Variants in AHCYL2 observed in about 807,000 individuals in gnomAD.
AHCYL2 encodes the protein S-adenosylhomocysteine hydrolase-like protein 2.
In AHCYL2, 28 loss-of-function variants were observed where a neutral mutation model predicts 81.4. The ratio of observed to expected loss-of-function variants is 0.34; its 90% confidence interval spans 0.25 to 0.47. The LOEUF (loss-of-function observed/expected upper bound fraction) is 0.47. Among genes scored for constraint, AHCYL2 ranks in the 20% least tolerant of loss-of-function variants. The pLI is 1.00. For missense variants in AHCYL2, 551 were observed against 785.1 expected (o/e 0.70, Z 3.56); for synonymous variants, 272 against 290.2 (o/e 0.94, Z 0.64).
chr7:129,349,739 T>C (rs1165535122), intron 1 of AHCYL2, among the ~76,000 whole-genome samples: 1 of 151,568 alleles, frequency 6.6e-6, no homozygotes, highest in Non-Finnish European at 1.5e-5. Flanking sequence ...TAAAGCTACC[T>C]TACTAAAGAG....
intron 1 of AHCYL2, among the ~76,000 whole-genome samples, chr7:129,358,390 T>TCA (rs200562779): frequency 6.6e-5 from 10 of 150,668 alleles, no homozygotes; most frequent in Admixed American, 2.7e-4. Context: ...AGACTCCGTC[T>TCA]CACACACACA....
At chr7:129,228,815 C>T (rs6467233) in intron 1 of AHCYL2, among the ~76,000 whole-genome samples, 38,188 of 152,188 alleles carry the variant, frequency 0.25, 4,908 homozygotes, top group East Asian at 0.42. Flanking sequence ...GCAAACATAT[C>T]CACCTTCCAC....
chr7:129,249,580 C>T (rs563077408), intron 1 of AHCYL2, among the ~76,000 whole-genome samples: 14 of 152,046 alleles, frequency 9.2e-5, no homozygotes, highest in Admixed American at 3.9e-4. Context: ...CGCCCGCCAC[C>T]GCGCCCGGCT....
At position 129,338,412 on chromosome 7, in the gene AHCYL2, C is replaced by T. The variant is rs891067746; in HGVS notation, c.364-41226C>T. ...TCAAGTGATCCTCCTGCCTTGGCCTCCCAAAGAACTAGGATTACAGGAGTG... is the reference window on the plus strand; with the variant it reads ...TCAAGTGATCCTCCTGCCTTGGCCTTCCAAAGAACTAGGATTACAGGAGTG... On this transcript the variant is annotated intron_variant, in intron 1 of 16. Transcript: ENST00000325006. Among the ~76,000 whole-genome samples, 2 of 152,188 alleles carry T rather than the reference C, an allele frequency of 1.3e-5. 1 individual carries two copies. The highest frequency in any genetic ancestry group is 4.1e-4 in the South Asian group (2 of 4,824).
chr7:129,230,503 C>T (rs1794391272), intron 1 of AHCYL2, among the ~76,000 whole-genome samples: 1 of 151,960 alleles, frequency 6.6e-6, no homozygotes, highest in Non-Finnish European at 1.5e-5. Context: ...ATGGAACTAA[C>T]AGAGCCCTAA....
chr7:129,350,059 C>A (rs892361701), intron 1 of AHCYL2, among the ~76,000 whole-genome samples: 1 of 152,186 alleles, frequency 6.6e-6, no homozygotes. Context: ...ATACTGTGGT[C>A]ATTTTTGCCT....
intron 1 of AHCYL2, among the ~76,000 whole-genome samples, chr7:129,242,040 G>A (rs1023911144): frequency 3.9e-5 from 6 of 152,018 alleles, no homozygotes; most frequent in African/African-American, 1.4e-4. Flanking sequence ...TATGTCAGCA[G>A]ATAATATATA....
intron 1 of AHCYL2, among the ~76,000 whole-genome samples, chr7:129,333,197 C>T (rs548090094): frequency 3.3e-5 from 5 of 150,718 alleles, no homozygotes; most frequent in East Asian, 2.0e-4. Flanking sequence ...GGGCCAGGCA[C>T]GGTGGCTCAC....
At chr7:129,317,550 A>C (rs755111174) in intron 1 of AHCYL2, among the ~76,000 whole-genome samples, 1 of 152,206 alleles carries the variant, frequency 6.6e-6, no homozygotes, top group African/African-American at 2.4e-5. Flanking sequence ...ATGCAGATGT[A>C]GAGTCCCCAG....
intron 1 of AHCYL2, among the ~76,000 whole-genome samples, chr7:129,341,527 AC>A (rs1431333354): frequency 6.6e-6 from 1 of 152,124 alleles, no homozygotes; most frequent in Non-Finnish European, 1.5e-5. Context: ...CATACTCTGA[AC>A]CCCTTCGTTA....
At chr7:129,363,253 A>C (rs1034407823) in intron 1 of AHCYL2, among the ~76,000 whole-genome samples, 1 of 152,164 alleles carries the variant, frequency 6.6e-6, no homozygotes, top group African/African-American at 2.4e-5. Context: ...TGCCCTGGCT[A>C]TAGGTGTATC....
At chr7:129,323,350 C>G (rs897590533) in intron 1 of AHCYL2, among the ~76,000 whole-genome samples, 3 of 152,020 alleles carry the variant, frequency 2.0e-5, no homozygotes, top group Admixed American at 6.6e-5. Context: ...TATATAATTT[C>G]AAAATATTTG....
chr7:129,342,639 C>G lies in AHCYL2; in HGVS notation c.364-36999C>G, dbSNP rs192203529. Among the ~76,000 whole-genome samples, 7 of 152,202 alleles carry G rather than the reference C, an allele frequency of 4.6e-5. No homozygotes were observed. The East Asian group carries it at 1.4e-3, about 29-fold the overall frequency. ...TAAACGCAGTATTATTCACTTGCCA[C>G]CTATTTTGGGAGTTCATGTATAAGC... On this transcript the variant is annotated intron_variant, in intron 1 of 16. Transcript: ENST00000325006.
intron 1 of AHCYL2, among the ~76,000 whole-genome samples, chr7:129,294,459 T>C (rs1048728468): frequency 1.3e-5 from 2 of 152,196 alleles, no homozygotes; most frequent in African/African-American, 4.8e-5. Context: ...AGGAATTTGA[T>C]GTATTAACTC....
intron 1 of AHCYL2, among the ~76,000 whole-genome samples, chr7:129,316,124 G>A (rs534192480): frequency 6.8e-4 from 104 of 152,296 alleles, no homozygotes; most frequent in Non-Finnish European, 1.3e-3. Context: ...ATTGTGCCAC[G>A]GCATAGGGAG....
In AHCYL2 at chr7:129,429,935, A is replaced by G. The variant is rs902219562; in HGVS notation, c.*2890A>G. On this transcript the variant is annotated 3_prime_UTR_variant, in exon 17 of 17. Transcript: ENST00000325006. ...GGAATCAAAATGCATTGTTGCATTA[A>G]GCTTTTTCAATAAAGGAAAATTACG... is the stretch of plus-strand genomic sequence containing the variant. 2.0e-5 allele frequency: 3 copies of G among 152,440 alleles called. No homozygotes were observed. The East Asian group carries it at 5.8e-4, about 29-fold the overall frequency. The allele number at this position is 152,440 out of a possible 1,614,324, so 9.4% of individuals were successfully genotyped here.
chr7:129,421,932 T>A (rs2150966257), intron 12 of AHCYL2, among the ~76,000 whole-genome samples: 1 of 152,386 alleles, frequency 6.6e-6, no homozygotes, highest in South Asian at 2.1e-4. Context: ...CATTATTGTA[T>A]AACTAAAAGC....
chr7:129,330,980 A>T (rs941494713), intron 1 of AHCYL2, among the ~76,000 whole-genome samples: 46 of 152,340 alleles, frequency 3.0e-4, no homozygotes, highest in African/African-American at 8.7e-4. Context: ...GTAAGAAGCC[A>T]TCAGAGATTG....
chr7:129,333,432 A>G (rs1256357029), intron 1 of AHCYL2, among the ~76,000 whole-genome samples: 2 of 152,210 alleles, frequency 1.3e-5, no homozygotes, highest in Non-Finnish European at 2.9e-5. Flanking sequence ...TACACTCACA[A>G]TTGAAAGGAC....
Sources: allele counts gnomAD v4.1 joint callset (sites outside exome capture counted in the v4.1 genomes callset), GRCh38; gene constraint gnomAD v4.1.1; transcripts MANE v1.5; gene names NCBI Gene and HGNC (gene_info 2026-07-23, HGNC 2026-07-21).